The following RASA3 variants were observed in gnomAD, a reference collection of about 807,000 sequenced individuals.
RASA3 encodes ras GTPase-activating protein 3.
Under a neutral mutation model 110.0 loss-of-function variants are expected in RASA3, and 73 were observed. The observed-to-expected ratio is 0.66, with a 90% confidence interval of 0.55 to 0.81. The LOEUF (loss-of-function observed/expected upper bound fraction) is 0.81, where lower values mean the gene tolerates loss of function less well. Among genes scored for constraint, RASA3 ranks in the 30% least tolerant of loss-of-function variants. The probability of loss-of-function intolerance (pLI) is 0.00; values close to 1 mark genes in which losing one functional copy is unlikely to be tolerated. For missense variants in RASA3, 976 were observed against 1,113.2 expected, an observed-to-expected ratio of 0.88 and a Z score of 1.75; for synonymous variants, 500 against 451.4, an observed-to-expected ratio of 1.11 and a Z score of -1.37.
At chr13:113,999,743 C>T (rs1594295310) in intron 19 of RASA3, 76 bp from the exon 20 acceptor site, 1 of 1,144,556 alleles carries the variant, frequency 8.7e-7, no homozygotes, top group Non-Finnish European at 1.3e-6. Context: ...TGAGGGGTCT[C>T]TGCCGGGGGG....
intron 3 of RASA3, among the ~76,000 whole-genome samples, chr13:114,046,187 A>T (rs962719259): frequency 1.3e-5 from 2 of 152,250 alleles, no homozygotes; most frequent in African/African-American, 4.8e-5. Flanking sequence ...TATAGTGATC[A>T]AGACTGCGTG....
chr13:114,067,064 G>A (rs1315387793), intron 2 of RASA3, among the ~76,000 whole-genome samples: 6 of 149,048 alleles, frequency 4.0e-5, no homozygotes, highest in Non-Finnish European at 9.0e-5. Context: ...GACCTGGGCT[G>A]AGGACAGGCC....
rs529971850 is a variant in RASA3, at chr13:114,065,589, C to T, written c.173+8131G>A. Among the ~76,000 whole-genome samples, 24 of 152,310 alleles carry T rather than the reference C, an allele frequency of 1.6e-4. No homozygotes were observed. The highest frequency in any genetic ancestry group is 5.8e-4 in the African/African-American group (24 of 41,576). ...TCCGCAAAGGACAGGAGGCAAAACACACCCATCAGAAGCACATGGCCAGTG... is the reference window on the plus strand; with the variant it reads ...TCCGCAAAGGACAGGAGGCAAAACATACCCATCAGAAGCACATGGCCAGTG... On this transcript the variant is annotated intron_variant, in intron 2 of 23. Transcript: ENST00000334062. The surrounding 1 kb of genome is among the most constrained non-coding windows in gnomAD (Gnocchi z 4.1).
Position 114,027,428 on chromosome 13 carries a change from C to T in RASA3, c.564G>A (p.Lys188=). Residue 188 remains lysine (K), a synonymous_variant, in exon 7 of 24, where the codon AAG becomes AAA. Coordinates refer to ENST00000334062, the MANE Select transcript of RASA3 (RefSeq NM_007368.4). ...CTTCATCGAACTGGGGATTGTTGGTCTTCCTCTTCACTTTCGTCTTCTTTG... is the reference window on the plus strand; with the variant it reads ...CTTCATCGAACTGGGGATTGTTGGTTTTCCTCTTCACTTTCGTCTTCTTTG... The part of the protein sequence containing the change: ...SEAKKTKVKR[K]TNNPQFDEVF... 6.2e-7 allele frequency: 1 copy of T among 1,613,406 alleles called. No homozygotes were observed. Among genetic ancestry groups the T allele is most frequent in the Non-Finnish European group, 8.5e-7 (1 of 1,179,412 alleles).
Position 114,016,231 on chromosome 13 carries a change from T to G in RASA3, c.1247A>C (p.Lys416Thr). ...TTCAAGGTTTTCTCCGTCTTTCAAC[T>G]TCACAGGGTCGATTTCACAGGGTTT... ...SHKPCEIDPV[K>T]LKDGENLENN... The change falls in exon 13 of 24, where the codon AAG (lysine) becomes ACG (threonine). Residue 416 changes from lysine (K) to threonine (T), a missense_variant. Coordinates refer to ENST00000334062, the MANE Select transcript of RASA3 (RefSeq NM_007368.4). The G allele has an allele frequency of 6.2e-7, 1 of 1,602,972 alleles. No individual in the cohort carries two copies. The highest frequency in any genetic ancestry group is 8.5e-7 in the Non-Finnish European group (1 of 1,169,968).
intron 18 of RASA3, among the ~76,000 whole-genome samples, chr13:114,003,131 C>T (rs566104103): frequency 2.6e-5 from 4 of 152,208 alleles, no homozygotes; most frequent in Non-Finnish European, 5.9e-5. Flanking sequence ...CTTGCACAAC[C>T]GAGGGTGGCC....
intron 5 of RASA3, among the ~76,000 whole-genome samples, chr13:114,028,355 CA>C (rs2054073044): frequency 1.4e-5 from 2 of 143,946 alleles, no homozygotes; most frequent in African/African-American, 5.3e-5. Flanking sequence ...ACCCCTAAAA[CA>C]GTGTCATCCT....
chr13:114,118,635 C>G (rs1289198892), intron 1 of RASA3, among the ~76,000 whole-genome samples: 1 of 152,198 alleles, frequency 6.6e-6, no homozygotes, highest in Non-Finnish European at 1.5e-5. Flanking sequence ...CCGATGTCAC[C>G]GCCACTTTTA....
At chr13:113,981,971 C>T in intron 22 of RASA3, 113 bp from the exon 23 acceptor site, 4 of 968,242 alleles carry the variant, frequency 4.1e-6, no homozygotes, top group Non-Finnish European at 4.5e-6. Context: ...CCAACGCAAG[C>T]TCCTCCAGAA....
chr13:114,128,763 A>C (rs1395617828), intron 1 of RASA3, among the ~76,000 whole-genome samples: 1 of 152,190 alleles, frequency 6.6e-6, no homozygotes, highest in African/African-American at 2.4e-5. Context: ...CTGAGCCCAG[A>C]GGAGAAAGAA....
rs148240527 is a variant in RASA3, at chr13:114,114,421, G to A, written c.55+18014C>T. On this transcript the variant is annotated intron_variant, in intron 1 of 23. Coordinates refer to ENST00000334062, the MANE Select transcript of RASA3 (RefSeq NM_007368.4). The surrounding 1 kb of genome is among the most constrained non-coding windows in gnomAD (Gnocchi z 4.8). ...CAGAGGGGTGAAGGAACGGGGACAC[G>A]GATGGATGGAGGGAGATGAACTAAT... 1.3e-5 allele frequency among the ~76,000 whole-genome samples: 2 copies of A among 152,294 alleles called. No individual in the cohort carries two copies. Among genetic ancestry groups the A allele is most frequent in the East Asian group, 1.9e-4 (1 of 5,190 alleles).
intron 2 of RASA3, 67 bp downstream of exon 2, chr13:114,073,653 A>G (rs2079617409): frequency 7.8e-7 from 1 of 1,274,140 alleles, no homozygotes; most frequent in Admixed American, 1.7e-5. Flanking sequence ...GGTGACGTAC[A>G]CCCTTGGGAC....
chr13:114,019,019 G>A (rs2053857323), intron 9 of RASA3, 100 bp from the exon 10 acceptor site: 1 of 1,463,864 alleles, frequency 6.8e-7, no homozygotes, highest in African/African-American at 1.4e-5. Context: ...GACTGGTCAG[G>A]AGGGTGATCC....
intron 1 of RASA3, among the ~76,000 whole-genome samples, chr13:114,088,160 T>C (rs993457561): frequency 1.3e-5 from 2 of 152,074 alleles, no homozygotes; most frequent in African/African-American, 4.8e-5. Context: ...GAGAGACACA[T>C]CAGTCACAGA....
chr13:114,118,194 C>T (rs1247122449), intron 1 of RASA3, among the ~76,000 whole-genome samples: 1 of 152,072 alleles, frequency 6.6e-6, no homozygotes, highest in African/African-American at 2.4e-5. Context: ...GAAGGCACAG[C>T]CAATATTTCC....
chr13:114,108,297 CA>C (rs1424318758), intron 1 of RASA3, among the ~76,000 whole-genome samples: 1 of 145,880 alleles, frequency 6.9e-6, no homozygotes, highest in African/African-American at 2.6e-5. Flanking sequence ...TCCGTCACCC[CA>C]TGTCTGTCAC....
rs778791959 is a variant in RASA3, at chr13:114,021,398, T to C, written c.785+6A>G. ...GCGGAAGTCTGCAGGTGCAACATCA[T>C]CTTACCACGCCTCGTAGGAGCTGGA... On this transcript the variant is annotated splice_donor_region_variant and intron_variant, in intron 9 of 23. Coordinates refer to ENST00000334062, the MANE Select transcript of RASA3 (RefSeq NM_007368.4). The C allele has an allele frequency of 1.2e-6, 2 of 1,613,228 alleles. No individual in the cohort carries two copies. The highest frequency in any genetic ancestry group is 2.2e-5 in the South Asian group (2 of 91,050).
At chr13:114,054,198 T>C (rs1240597253) in intron 2 of RASA3, among the ~76,000 whole-genome samples, 2 of 152,168 alleles carry the variant, frequency 1.3e-5, no homozygotes, top group Non-Finnish European at 2.9e-5. Flanking sequence ...AAGTCAGTTA[T>C]CTGATAAAAG....
intron 1 of RASA3, among the ~76,000 whole-genome samples, chr13:114,097,292 G>A (rs919795692): frequency 1.3e-5 from 2 of 152,236 alleles, no homozygotes; most frequent in African/African-American, 2.4e-5. Flanking sequence ...AGGTCAGACG[G>A]CAGGTGCCAG....
Sources: gnomAD v4.1 joint callset for allele counts (sites outside exome capture counted in the v4.1 genomes callset) on GRCh38, gnomAD v4.1.1 for gene constraint, Gnocchi (gnomAD v3.1) non-coding constraint, MANE v1.5 for transcripts, NCBI Gene and HGNC (gene_info 2026-07-23, HGNC 2026-07-21) for gene names.